The following ZNF417 variants were observed in gnomAD, a reference collection of about 807,000 sequenced individuals.
The protein encoded by ZNF417 is zinc finger protein 417.
Under a neutral mutation model 7.4 loss-of-function variants are expected in ZNF417, and 5 were observed. That is an observed-to-expected ratio of 0.68 (90% CI 0.35 to 1.43). The LOEUF (loss-of-function observed/expected upper bound fraction) is 1.43. Among genes scored for constraint, ZNF417 ranks in the 40% most tolerant of loss-of-function variants. The probability of loss-of-function intolerance (pLI) is 0.04; values close to 1 mark genes in which losing one functional copy is unlikely to be tolerated. For missense variants in ZNF417, 437 were observed against 697.3 expected (o/e 0.63, Z 4.20); for synonymous variants, 147 against 239.1 (o/e 0.61, Z 3.55).
At position 57,908,432 on chromosome 19, in the gene ZNF417, G is replaced by A; in HGVS notation, c.*118C>T. ...GCGAAGTCTCTTAAGACCAAGGAGA[G>A]CAGACATTCTGATGTTTCCCAGATT... On this transcript the variant is annotated 3_prime_UTR_variant, in exon 3 of 3. Coordinates refer to ENST00000312026, the MANE Select transcript of ZNF417 (RefSeq NM_152475.3). 6.4e-7 allele frequency: 1 copy of A among 1,560,976 alleles called. No individual in the cohort carries two copies. Among genetic ancestry groups the A allele is most frequent in the Non-Finnish European group, 8.8e-7 (1 of 1,141,614 alleles).
chr19:57,912,321 T>G, intron 1 of ZNF417, 132 bp from the exon 2 acceptor site: 1 of 1,483,820 alleles, frequency 6.7e-7, no homozygotes, highest in Admixed American at 2.3e-5. Flanking sequence ...TGTCCACTAG[T>G]GCCTTTGTCT....
intron 1 of ZNF417, among the ~76,000 whole-genome samples, chr19:57,914,196 T>C (rs1433626364): frequency 6.6e-6 from 1 of 152,072 alleles, no homozygotes; most frequent in African/African-American, 2.4e-5. Flanking sequence ...TTAGAAAACC[T>C]AGCTGTCTGT....
intron 1 of ZNF417, among the ~76,000 whole-genome samples, chr19:57,914,483 C>CAAAAAAAAAAAAAAAAA (rs528220711): frequency 1.7e-5 from 1 of 57,610 alleles, no homozygotes; most frequent in Non-Finnish European, 3.6e-5. Context: ...CGAAACTCCA[C>CAAAAAAAAAAAAAAAAA]AAAAAAAAAA....
rs1180110149 is a variant in ZNF417, at chr19:57,906,760, C to CAAAAAAA, written c.*1783_*1789dup. ...TGGGTGACAGAGTGAGACTCTGTCT[C>CAAAAAAA]AAAAAAAAAAAAAAAAAAAAATTTA... On this transcript the variant is annotated 3_prime_UTR_variant, in exon 3 of 3. Coordinates refer to ENST00000312026, the MANE Select transcript of ZNF417 (RefSeq NM_152475.3). 1 of 30,510 alleles carries CAAAAAAA rather than the reference C, an allele frequency of 3.3e-5. No homozygotes were observed. Among genetic ancestry groups the CAAAAAAA allele is most frequent in the Non-Finnish European group, 6.1e-5 (1 of 16,472 alleles). 1.9% of individuals were successfully genotyped at this position (30,510 alleles called of 1,614,324 possible).
intron 1 of ZNF417, among the ~76,000 whole-genome samples, chr19:57,916,142 T>A (rs1449002961): frequency 6.6e-6 from 1 of 152,238 alleles, no homozygotes; most frequent in Admixed American, 6.5e-5. Flanking sequence ...TATTTCTCCA[T>A]CGCAATTCTC....
At chr19:57,914,678 A>C (rs1217910463) in intron 1 of ZNF417, among the ~76,000 whole-genome samples, 1 of 152,156 alleles carries the variant, frequency 6.6e-6, no homozygotes, top group African/African-American at 2.4e-5. Context: ...ACCAAGGTCC[A>C]ACCAGATGAA....
chr19:57,911,040 C>T (rs1197102939), intron 2 of ZNF417, among the ~76,000 whole-genome samples: 1 of 152,120 alleles, frequency 6.6e-6, no homozygotes, highest in Non-Finnish European at 1.5e-5. Context: ...AGCGAAACTC[C>T]ATCTCAAAAA....
intron 1 of ZNF417, chr19:57,915,773 G>A (rs1047959154): frequency 4.8e-6 from 2 of 412,464 alleles, no homozygotes; most frequent in Non-Finnish European, 8.5e-6. Flanking sequence ...AGAAATTACC[G>A]TTTAGGGGTC....
chr19:57,909,511 C>A lies in ZNF417; in HGVS notation c.767G>T (p.Ser256Ile), dbSNP rs373522127. ...GKSFSRYVSF[S>I]NHQRDHTAKG... is the part of the protein sequence containing the mutation. ...TGCAGTGTGATCTCGCTGATGATTA[C>A]TGAAGCTGACATATCTGCTAAAGGA... The change falls in exon 3 of 3, where the codon AGT becomes ATT. Residue 256 changes from serine (S) to isoleucine (I), a missense_variant. Around this residue, in one of 5 missense-constraint regions of ZNF417, gnomAD observed 60 missense variants for 266.0 expected, o/e 0.23. Coordinates refer to ENST00000312026, the MANE Select transcript of ZNF417 (RefSeq NM_152475.3). 90 of 1,612,240 alleles carry A rather than the reference C, an allele frequency of 5.6e-5. No individual in the cohort carries two copies. The highest frequency in any genetic ancestry group is 6.9e-5 in the Non-Finnish European group (81 of 1,179,268).
At chr19:57,913,264 A>G (rs12608717) in intron 1 of ZNF417, among the ~76,000 whole-genome samples, 38,498 of 152,132 alleles carry the variant, frequency 0.25, 5,283 homozygotes, top group Non-Finnish European at 0.31. Context: ...ATAGGATCCA[A>G]TATTAACACA....
chr19:57,916,561 AAC>A lies in ZNF417; in HGVS notation c.-152_-151del. On this transcript the variant is annotated 5_prime_UTR_variant, in exon 1 of 3. Transcript: ENST00000312026. ...GCACTCAGGGGCCACAAACTGGGGAAACACCCGCGTCACCGATACACAGCCGC... is the reference window on the plus strand; with the variant it reads ...GCACTCAGGGGCCACAAACTGGGGAAACCCGCGTCACCGATACACAGCCGC... 3 of 1,501,060 alleles carry A rather than the reference AAC, an allele frequency of 2.0e-6. No homozygotes were observed. The highest frequency in any genetic ancestry group is 2.7e-6 in the Non-Finnish European group (3 of 1,126,804). The allele number at this position is 1,501,060 out of a possible 1,614,324, so 93.0% of individuals were successfully genotyped here.
Position 57,906,168 on chromosome 19 carries a change from T to C in ZNF417, c.*2382A>G, listed in dbSNP as rs1323490691. Among the ~76,000 whole-genome samples the C allele has an allele frequency of 6.6e-6, 1 of 152,200 alleles. No homozygotes were observed. Among genetic ancestry groups the C allele is most frequent in the Non-Finnish European group, 1.5e-5 (1 of 68,042 alleles). On this transcript the variant is annotated 3_prime_UTR_variant, in exon 3 of 3. Coordinates refer to ENST00000312026, the MANE Select transcript of ZNF417 (RefSeq NM_152475.3). Reference sequence around the variant, plus strand: ...ACAGACACATACTCTTCAGGGTGTATGGTCATAATTTGTTTGAACGAGCCC... The same window carrying C: ...ACAGACACATACTCTTCAGGGTGTACGGTCATAATTTGTTTGAACGAGCCC...
chr19:57,914,483 C>CAAAAAAAAAAAAA (rs528220711), intron 1 of ZNF417, among the ~76,000 whole-genome samples: 1 of 57,610 alleles, frequency 1.7e-5, no homozygotes, highest in Admixed American at 2.2e-4. Context: ...CGAAACTCCA[C>CAAAAAAAAAAAAA]AAAAAAAAAA....
At position 57,909,922 on chromosome 19, in the gene ZNF417, A is replaced by C; in HGVS notation, c.356T>G (p.Leu119Arg). 2.6e-6 allele frequency: 4 copies of C among 1,566,756 alleles called. No homozygotes were observed. Among genetic ancestry groups the C allele is most frequent in the Non-Finnish European group, 3.5e-6 (4 of 1,157,026 alleles). The change falls in exon 3 of 3, where the codon CTG becomes CGG. Residue 119 changes from leucine (L) to arginine (R), a missense_variant. Physicochemically the swap from Leu to Arg is moderately radical, Grantham distance 102 (BLOSUM62 -2). Around this residue, in one of 5 missense-constraint regions of ZNF417, gnomAD observed 60 missense variants for 266.0 expected, o/e 0.23. Transcript: ENST00000312026. ...DHQETHHKQK[L>R]NRSGACGKNL... Reference sequence around the variant, plus strand: ...TTTTCCACATGCTCCACTCCTGTTCAGCTTCTGCTTGTGATGAGTTTCCTG... The same window carrying C: ...TTTTCCACATGCTCCACTCCTGTTCCGCTTCTGCTTGTGATGAGTTTCCTG...
chr19:57,913,008 G>A (rs1275047117), intron 1 of ZNF417, among the ~76,000 whole-genome samples: 1 of 151,812 alleles, frequency 6.6e-6, no homozygotes, highest in Non-Finnish European at 1.5e-5. Context: ...TCTGCTGGTA[G>A]GGATGGAATT....
At position 57,905,940 on chromosome 19, in the gene ZNF417, C is replaced by T. The variant is rs1052533888; in HGVS notation, c.*2610G>A. On this transcript the variant is annotated 3_prime_UTR_variant, in exon 3 of 3. Coordinates refer to ENST00000312026, the MANE Select transcript of ZNF417 (RefSeq NM_152475.3). Reference sequence around the variant, plus strand: ...AATTGCTTAGTACTGAAAGTTTTGCCTATATAAACTGTAGTTTATGAAGAA... The same window carrying T: ...AATTGCTTAGTACTGAAAGTTTTGCTTATATAAACTGTAGTTTATGAAGAA... Among the ~76,000 whole-genome samples the T allele has an allele frequency of 5.3e-5, 8 of 152,002 alleles. No individual in the cohort carries two copies. Among genetic ancestry groups the T allele is most frequent in the Non-Finnish European group, 8.8e-5 (6 of 68,016 alleles).
At position 57,908,758 on chromosome 19, in the gene ZNF417, A is replaced by G. The variant is rs527434158; in HGVS notation, c.1520T>C (p.Leu507Pro). ...AGAATGAACTCTTTTATGAACATGA[A>G]GCGCAGAGCTGGAAAGAAATGATTT... ...CGKSFLSSSA[L>P]HVHKRVHSGQ... is the part of the protein sequence containing the mutation. The change falls in exon 3 of 3, where the codon CTT becomes CCT. Residue 507 changes from leucine to proline, a missense_variant. Around this residue, in one of 5 missense-constraint regions of ZNF417, gnomAD observed 233 missense variants for 235.5 expected, o/e 0.99. Coordinates refer to ENST00000312026, the MANE Select transcript of ZNF417 (RefSeq NM_152475.3). The G allele has an allele frequency of 1.9e-6, 3 of 1,613,676 alleles. No individual in the cohort carries two copies. The African/African-American group carries it at 4.0e-5, about 22-fold the overall frequency.
In ZNF417 at chr19:57,916,510, G is replaced by C. The variant is rs368253590; in HGVS notation, c.-99C>G. Reference sequence around the variant, plus strand: ...GAGGACGATTCCTCTCCACCTTCTAGGTTCAGTCACCGCGGTCCCCCCCCA... The same window carrying C: ...GAGGACGATTCCTCTCCACCTTCTACGTTCAGTCACCGCGGTCCCCCCCCA... On this transcript the variant is annotated 5_prime_UTR_variant, in exon 1 of 3. Transcript: ENST00000312026. 4 of 1,598,406 alleles carry C rather than the reference G, an allele frequency of 2.5e-6. No individual in the cohort carries two copies. Among genetic ancestry groups the C allele is most frequent in the Middle Eastern group, 1.7e-4 (1 of 5,822 alleles).
intron 2 of ZNF417, among the ~76,000 whole-genome samples, 167 bp downstream of exon 2, chr19:57,911,893 G>A (rs2071901803): frequency 6.6e-6 from 1 of 152,212 alleles, no homozygotes; most frequent in Admixed American, 6.5e-5. Context: ...CAAAGCAGGT[G>A]TTGGAGGTGC....
Sources: gnomAD v4.1 joint callset for allele counts (sites outside exome capture counted in the v4.1 genomes callset) on GRCh38, gnomAD v4.1.1 for gene constraint, gnomAD v4.1.1 regional missense constraint, MANE v1.5 for transcripts, NCBI Gene and HGNC (gene_info 2026-07-23, HGNC 2026-07-21) for gene names.